QARS1: variants seen among roughly 807,000 people sequenced by gnomAD.
The protein encoded by QARS1 is glutaminyl-tRNA synthetase 1.
A neutral mutation model predicts 106.9 loss-of-function variants in QARS1; 79 were observed. The observed-to-expected ratio is 0.74, with a 90% CI of 0.62 to 0.89. The LOEUF is 0.89. Among genes scored for constraint, QARS1 ranks in the 40% least tolerant of loss-of-function variants. QARS1 has a pLI of 0.00. For missense variants in QARS1, 966 were observed against 997.2 expected (o/e 0.97, Z 0.42); for synonymous variants, 395 against 367.7 (o/e 1.07, Z -0.85).
intron 20 of QARS1, 38 bp from the exon 21 acceptor site, chr3:49,098,518 G>C: frequency 1.2e-6 from 2 of 1,613,738 alleles, no homozygotes; most frequent in Non-Finnish European, 1.7e-6. Flanking sequence ...TTAGACCCGG[G>C]AACCACAACC....
chr3:49,102,832 G>A lies in QARS1; in HGVS notation c.517-360C>T, dbSNP rs1279147813. On this transcript the variant is annotated intron_variant, in intron 5 of 23. Transcript: ENST00000306125. ...TAATTTTTGTACTTTTTGTAGAGAT[G>A]GGGTTTCACCATGTTGGCCAGGCTG... 1.9e-5 allele frequency: 7 copies of A among 361,558 alleles called. No individual in the cohort carries two copies. The East Asian group carries it at 4.2e-4, about 22-fold the overall frequency. 22.4% of individuals were successfully genotyped at this position (361,558 alleles called of 1,614,324 possible). A position where few individuals can be genotyped will look rare whatever the true frequency, so the allele number is the denominator to read the frequency against.
intron 4 of QARS1, 90 bp from the exon 5 acceptor site, chr3:49,103,499 G>C (rs2042498067): frequency 1.9e-6 from 3 of 1,582,776 alleles, no homozygotes; most frequent in East Asian, 4.5e-5. Context: ...CTGACCACCA[G>C]AACCAGAGCC....
In QARS1 at chr3:49,098,707, T is replaced by G. The variant is rs374530633; in HGVS notation, c.1864-15A>C. ...GGCTCTGGCTCCTAGAGATAGGAAG[T>G]GGGGTAGACACATGAGGCTGCAAGG... On this transcript the variant is annotated splice_polypyrimidine_tract_variant and intron_variant, in intron 19 of 23. Coordinates refer to ENST00000306125, the MANE Select transcript of QARS1 (RefSeq NM_005051.3). The G allele has an allele frequency of 6.4e-7, 1 of 1,574,598 alleles. No homozygotes were observed. The highest frequency in any genetic ancestry group is 8.6e-7 in the Non-Finnish European group (1 of 1,161,452).
At chr3:49,100,481 A>T (rs189213624) in intron 11 of QARS1, 23 bp from the exon 12 acceptor site, 1 of 1,612,182 alleles carries the variant, frequency 6.2e-7, no homozygotes, top group East Asian at 2.2e-5. Flanking sequence ...GAAACAAAGT[A>T]TGAGCAGCCA....
At position 49,099,741 on chromosome 3, in the gene QARS1, C is replaced by T. The variant is rs374667717; in HGVS notation, c.1388+20G>A. 1 of 1,613,836 alleles carries T rather than the reference C, an allele frequency of 6.2e-7. No individual in the cohort carries two copies. Among genetic ancestry groups the T allele is most frequent in the Non-Finnish European group, 8.5e-7 (1 of 1,179,852 alleles). The stretch of plus-strand genomic sequence containing the variant: ...TGGAATTCCACTGGCCCTACCACCC[C>T]ATGGACCCAGCTCCCTCACCGGGCC... On this transcript the variant is annotated intron_variant, in intron 15 of 23. Transcript: ENST00000306125.
intron 7 of QARS1, 59 bp from the exon 8 acceptor site, chr3:49,101,958 C>A: frequency 6.5e-7 from 1 of 1,542,008 alleles, no homozygotes. Flanking sequence ...TATCCTACAG[C>A]CAGAACAGAA....
Position 49,101,685 on chromosome 3 carries a change from C to T in QARS1, c.724G>A (p.Gly242Ser), listed in dbSNP as rs747643106. Residue 242 changes from glycine to serine, a missense_variant, in exon 9 of 24, where the codon GGC becomes AGC. By Grantham distance (56) the Gly-to-Ser change is moderately conservative (BLOSUM62 0). Transcript: ENST00000306125. ...HKPGENYKTP[G>S]YVVTPHTMNL... is the part of the protein sequence containing the mutation. Reference sequence around the variant, plus strand: ...ATGGTGTGTGGAGTGACCACATAGCCTGGGGTCTTGTAGTTCTCACCTGCC... The same window carrying T: ...ATGGTGTGTGGAGTGACCACATAGCTTGGGGTCTTGTAGTTCTCACCTGCC... 5.6e-6 allele frequency: 9 copies of T among 1,614,080 alleles called. No individual in the cohort carries two copies. The South Asian group carries it at 9.9e-5, about 18-fold the overall frequency.
intron 23 of QARS1, among the ~76,000 whole-genome samples, chr3:49,097,467 G>A (rs2042407124): frequency 6.6e-6 from 1 of 150,488 alleles, no homozygotes; most frequent in Non-Finnish European, 1.5e-5. Context: ...TTACAAGTGT[G>A]AGCCACCATG....
chr3:49,097,199 G>A (rs1453412861), intron 23 of QARS1: 9 of 152,184 alleles, frequency 5.9e-5, no homozygotes, highest in Admixed American at 5.2e-4. Flanking sequence ...GCTAAGGCAG[G>A]AGAATAGCTT....
intron 10 of QARS1, 85 bp downstream of exon 10, chr3:49,101,270 C>T (rs1158803306): frequency 4.7e-6 from 5 of 1,065,340 alleles, no homozygotes; most frequent in South Asian, 1.5e-5. Flanking sequence ...TTATTGGGAG[C>T]AGACAGCAAG....
Position 49,103,869 on chromosome 3 carries a change from C to T in QARS1, c.369G>A (p.Glu123=). The T allele has an allele frequency of 6.2e-7, 1 of 1,614,012 alleles. No individual in the cohort carries two copies. Among genetic ancestry groups the T allele is most frequent in the Non-Finnish European group, 8.5e-7 (1 of 1,179,962 alleles). ...VGVIVTPEQI[E]EAVEAAINRH... ...TGCCTGGGGAAAGACTCACAGCCTC[C>T]TCAATCTGCTCTGGGGTCACAATGA... The change falls in exon 3 of 24, where the codon GAG becomes GAA. Residue 123 remains glutamate, a synonymous_variant. Transcript: ENST00000306125.
chr3:49,104,216 G>T, intron 2 of QARS1, 108 bp downstream of exon 2: 1 of 1,491,712 alleles, frequency 6.7e-7, no homozygotes, highest in Non-Finnish European at 9.2e-7. Flanking sequence ...TGCCTGTGCA[G>T]AACTAGGTGT....
intron 19 of QARS1, 94 bp from the exon 20 acceptor site, chr3:49,098,786 T>A: frequency 6.7e-7 from 1 of 1,503,256 alleles, no homozygotes; most frequent in Non-Finnish European, 9.2e-7. Context: ...GATTGGTTCA[T>A]CTGAAGCAGG....
chr3:49,104,044 T>A, intron 2 of QARS1, 72 bp from the exon 3 acceptor site: 1 of 1,387,580 alleles, frequency 7.2e-7, no homozygotes, highest in Non-Finnish European at 1.0e-6. Flanking sequence ...CCTAATCTCA[T>A]GAAACTCCAA....
In QARS1 at chr3:49,103,703, C is replaced by A. The variant is rs2042501246; in HGVS notation, c.379G>T (p.Glu127Ter). The A allele has an allele frequency of 6.2e-7, 1 of 1,613,440 alleles. No homozygotes were observed. Among genetic ancestry groups the A allele is most frequent in the Non-Finnish European group, 8.5e-7 (1 of 1,179,760 alleles). The stretch of plus-strand genomic sequence containing the variant: ...GGCCGGTGCCTGTTAATAGCAGCCT[C>A]CACCTGCAGAAAGCCAAACCATGTG... ...VTPEQIEEAVEAAINRHRPQL... is the reference protein window; with the variant it reads ...VTPEQIEEAV Residue 127 changes from glutamate to a stop codon, truncating the protein, a stop_gained, in exon 4 of 24, where the codon GAG becomes TAG. Coordinates refer to ENST00000306125, the MANE Select transcript of QARS1 (RefSeq NM_005051.3). LOFTEE classifies it high-confidence loss of function.
At position 49,103,832 on chromosome 3, in the gene QARS1, G is replaced by A. The variant is rs752128279; in HGVS notation, c.375+31C>T. On this transcript the variant is annotated intron_variant, in intron 3 of 23. Coordinates refer to ENST00000306125, the MANE Select transcript of QARS1 (RefSeq NM_005051.3). ...CACTCCTTTCCATGGCCAGGACTGG[G>A]GAGGCAGACGATGCCTGGGGAAAGA... is the stretch of plus-strand genomic sequence containing the variant. 1.9e-6 allele frequency: 3 copies of A among 1,607,592 alleles called. No homozygotes were observed. The Admixed American group carries it at 5.0e-5, about 27-fold the overall frequency.
Position 49,098,349 on chromosome 3 carries a change from TCA to T in QARS1, c.2084+2_2084+3del, listed in dbSNP as rs2107095933. The T allele has an allele frequency of 6.2e-7, 1 of 1,614,206 alleles. No individual in the cohort carries two copies. The highest frequency in any genetic ancestry group is 8.5e-7 in the Non-Finnish European group (1 of 1,180,036). On this transcript the variant is annotated splice_donor_variant and splice_donor_region_variant and intron_variant, in intron 21 of 23. Coordinates refer to ENST00000306125, the MANE Select transcript of QARS1 (RefSeq NM_005051.3). LOFTEE classifies it high-confidence loss of function. ...CTGCCCCCACCCCAGCTCTGTTCACTCACAGTCGCTCATAGAGGCGAACCTCA... is the reference window on the plus strand; with the variant it reads ...CTGCCCCCACCCCAGCTCTGTTCACTCAGTCGCTCATAGAGGCGAACCTCA...
Position 49,099,187 on chromosome 3 carries a change from G to C in QARS1, c.1681C>G (p.Leu561Val), listed in dbSNP as rs1559966804. Residue 561 changes from leucine (L) to valine (V), a missense_variant, in exon 18 of 24, where the codon CTG becomes GTG. By Grantham distance (32) the Leu-to-Val change is conservative (BLOSUM62 1). Transcript: ENST00000306125. ...ATGGCTCGTGGGGCTGTGTCATTCA[G>C]CACATCACGCACACAGGCTTCTAGA... ...HLLEACVRDV[L>V]NDTAPRAMAV... 2 of 1,614,160 alleles carry C rather than the reference G, an allele frequency of 1.2e-6. No individual in the cohort carries two copies. Among genetic ancestry groups the C allele is most frequent in the African/African-American group, 1.3e-5 (1 of 75,016 alleles).
rs1359021012 is a variant in QARS1 at position 49,099,007 on chromosome 3, AGACAGGT to A, written c.1759-25_1759-19del. 6.2e-7 allele frequency: 1 copy of A among 1,612,678 alleles called. No individual in the cohort carries two copies. The highest frequency in any genetic ancestry group is 1.1e-5 in the South Asian group (1 of 91,052). ...TCCAAGGACTATAGCAGGAGACAGG[AGACAGGT>A]ATGAGTCATACTCAGCATTAGGACC... On this transcript the variant is annotated intron_variant, in intron 18 of 23. Transcript: ENST00000306125.
Sources: gnomAD v4.1 joint callset for allele counts (sites outside exome capture counted in the v4.1 genomes callset) on GRCh38, gnomAD v4.1.1 for gene constraint, MANE v1.5 for transcripts, NCBI Gene and HGNC (gene_info 2026-07-23, HGNC 2026-07-21) for gene names.